The following DLG5 variants were observed in gnomAD, a reference collection of about 807,000 sequenced individuals.
DLG5 encodes disks large homolog 5.
A neutral mutation model predicts 189.8 loss-of-function variants in DLG5; 48 were observed. The observed-to-expected ratio is 0.25, with a 90% CI of 0.20 to 0.32. DLG5 has a LOEUF of 0.32. Among genes scored for constraint, DLG5 ranks in the 10% least tolerant of loss-of-function variants. DLG5 has a pLI of 1.00. For synonymous variants in DLG5, 1,016 were observed against 1,054.1 expected (o/e 0.96, Z 0.70); for missense variants, 2,160 against 2,544.7 (o/e 0.85, Z 3.25).
chr10:77,843,050 T>G (rs1008670020), intron 6 of DLG5, among the ~76,000 whole-genome samples: 3 of 152,176 alleles, frequency 2.0e-5, no homozygotes, highest in African/African-American at 7.2e-5. Flanking sequence ...CCCAGATAAT[T>G]AACTTTCCTA....
chr10:77,812,093 C>T (rs989102748), intron 21 of DLG5, 36 bp from the exon 22 acceptor site: 18 of 1,604,000 alleles, frequency 1.1e-5, no homozygotes, highest in Non-Finnish European at 1.1e-5. Context: ...GTGGGGGGGT[C>T]GGGGCTGTGG....
At chr10:77,937,600 T>C in the DLG5 span, among the ~76,000 whole-genome samples, 1 of 152,080 alleles carries the variant, frequency 6.6e-6, no homozygotes, top group Non-Finnish European at 1.5e-5. Context: ...TCTTTAGGTC[T>C]CAGTTTAAAG....
chr10:77,880,435 CAG>C (rs1554828160), intron 1 of DLG5, among the ~76,000 whole-genome samples: 1 of 152,188 alleles, frequency 6.6e-6, no homozygotes, highest in Non-Finnish European at 1.5e-5. Context: ...ACCTGGGCAA[CAG>C]AGTGAGACTC....
At chr10:77,842,599 C>A (rs964333768) in intron 6 of DLG5, among the ~76,000 whole-genome samples, 1 of 152,204 alleles carries the variant, frequency 6.6e-6, no homozygotes, top group Non-Finnish European at 1.5e-5. Flanking sequence ...GTGACAAGGT[C>A]ATCAAGTTCG....
chr10:77,854,279 T>C lies in DLG5; in HGVS notation c.628A>G (p.Thr210Ala), dbSNP rs1315101162. The C allele has an allele frequency of 6.2e-7, 1 of 1,614,108 alleles. No homozygotes were observed. Among genetic ancestry groups the C allele is most frequent in the Non-Finnish European group, 8.5e-7 (1 of 1,180,056 alleles). The change falls in exon 4 of 32, where the codon ACC becomes GCC. Residue 210 changes from threonine (T) to alanine (A), a missense_variant. Thr to Ala is a moderately conservative substitution (Grantham distance 58). Around this residue, in one of 5 missense-constraint regions of DLG5, gnomAD observed 664 missense variants for 838.5 expected, o/e 0.79. Transcript: ENST00000372391. The stretch of plus-strand genomic sequence containing the variant: ...TCCTCACACCTCTTCAAGGCGTTGG[T>C]GTGCTGGTTCTGCAGGCTCTGCAGG... Reference protein sequence around the residue: ...SDLQSLQNQHTNALKRCEEVA... With the variant: ...SDLQSLQNQHANALKRCEEVA...
chr10:77,844,829 G>C (rs1296476576), intron 5 of DLG5, among the ~76,000 whole-genome samples: 1 of 152,234 alleles, frequency 6.6e-6, no homozygotes, highest in Non-Finnish European at 1.5e-5. Flanking sequence ...GGCGACTTCA[G>C]AGGCAAATGA....
chr10:77,918,337 G>A (rs1323333065), intron 1 of DLG5, among the ~76,000 whole-genome samples: 1 of 151,906 alleles, frequency 6.6e-6, no homozygotes, highest in Non-Finnish European at 1.5e-5. Context: ...TGCTGCAACT[G>A]GGGAGGCGAA....
At chr10:77,868,070 C>T (rs1264782499) in intron 2 of DLG5, 2 of 456,562 alleles carry the variant, frequency 4.4e-6, no homozygotes, top group Non-Finnish European at 8.8e-6. Flanking sequence ...AGATCTCTCC[C>T]TAGCGCCTTC....
rs1205737289 is a variant in DLG5, at chr10:77,841,887, C to T, written c.1431G>A (p.Leu477=). ...KKAANEEMEA[L]RQIKDTVTMD... ...CACCGGCCCACCCACCTACCTGCCG[C>T]AGCGCCTCCATCTCCTCATTGGCCG... Residue 477 remains leucine (L), a synonymous_variant, in exon 7 of 32, where the codon CTG becomes CTA. Transcript: ENST00000372391. The T allele has an allele frequency of 6.2e-7, 1 of 1,606,242 alleles. No homozygotes were observed. The highest frequency in any genetic ancestry group is 8.5e-7 in the Non-Finnish European group (1 of 1,174,402).
chr10:77,817,160 T>C, intron 18 of DLG5, 64 bp from the exon 19 acceptor site: 1 of 1,403,876 alleles, frequency 7.1e-7, no homozygotes. Flanking sequence ...GTCCTTCCTC[T>C]CCACCAGGCT....
At position 77,796,179 on chromosome 10, in the gene DLG5, T is replaced by C; in HGVS notation, c.5318A>G (p.Lys1773Arg). 6.2e-7 allele frequency: 1 copy of C among 1,614,112 alleles called. No homozygotes were observed. Among genetic ancestry groups the C allele is most frequent in the Non-Finnish European group, 8.5e-7 (1 of 1,180,018 alleles). The change falls in exon 29 of 32, where the codon AAG (lysine) becomes AGG (arginine). Residue 1773 changes from lysine to arginine, a missense_variant. This residue lies in a region of DLG5 where 574 missense variants were observed against 644.2 expected (regional missense o/e 0.89). Transcript: ENST00000372391. The surrounding 1 kb of genome is among the most constrained non-coding windows in gnomAD (Gnocchi z 5.2). ...KFCRCPLEVM[K>R]ASQQAIERGV... The stretch of plus-strand genomic sequence containing the variant: ...CCGCTCAATGGCCTGCTGGGAGGCC[T>C]TCATCACCTCTGCAATGCACAGACA...
chr10:77,920,837 G>A (rs1186327065), intron 1 of DLG5, among the ~76,000 whole-genome samples: 2 of 152,160 alleles, frequency 1.3e-5, no homozygotes, highest in Admixed American at 6.5e-5. Flanking sequence ...CGTCCCAAAG[G>A]CCAGTTTCCA....
chr10:77,793,614 A>G, intron 31 of DLG5: 1 of 176,400 alleles, frequency 5.7e-6, no homozygotes. Flanking sequence ...ACTGCCCTGG[A>G]GGGTGCTAGG....
rs1840827689 is a variant in DLG5, at chr10:77,794,836, G to A, written c.5546+13C>T. ...ACAAGGCCCCAGCGGAGCCCAGGGG[G>A]CCAGTTACCTACTTGATGTGCTTGG... On this transcript the variant is annotated intron_variant, in intron 30 of 31. Transcript: ENST00000372391. The A allele has an allele frequency of 3.7e-6, 6 of 1,610,694 alleles. No homozygotes were observed. Among genetic ancestry groups the A allele is most frequent in the African/African-American group, 1.3e-5 (1 of 74,888 alleles).
the DLG5 span, among the ~76,000 whole-genome samples, chr10:77,934,844 TTTTTTTTG>T: frequency 2.3e-5 from 3 of 130,396 alleles, no homozygotes; most frequent in South Asian, 4.5e-4. Context: ...GTGCTGTTCT[TTTTTTTTG>T]TTTTTTTGTT....
intron 17 of DLG5, 139 bp from the exon 18 acceptor site, chr10:77,818,028 A>T: frequency 5.7e-6 from 4 of 696,286 alleles, no homozygotes; most frequent in Non-Finnish European, 9.6e-6. Flanking sequence ...TCAGCCGAGG[A>T]TAGCAGGCTG....
At chr10:77,932,884 C>G in the DLG5 span, among the ~76,000 whole-genome samples, 1 of 151,858 alleles carries the variant, frequency 6.6e-6, no homozygotes, top group Non-Finnish European at 1.5e-5. Context: ...AGGAGGATTA[C>G]TTGAACCCAA....
Position 77,796,078 on chromosome 10 carries a change from T to C in DLG5, c.5419A>G (p.Lys1807Glu). 3 of 1,614,178 alleles carry C rather than the reference T, an allele frequency of 1.9e-6. No individual in the cohort carries two copies. Among genetic ancestry groups the C allele is most frequent in the Non-Finnish European group, 2.5e-6 (3 of 1,180,044 alleles). ...HFDVTTVASI[K>E]EITEKNRHCL... Reference sequence around the variant, plus strand: ...CTGGGTACCTTTTCTGTGATCTCCTTTATTGACGCCACAGTGGTCACATCG... The same window carrying C: ...CTGGGTACCTTTTCTGTGATCTCCTCTATTGACGCCACAGTGGTCACATCG... The change falls in exon 29 of 32, where the codon AAG (lysine) becomes GAG (glutamate). Residue 1807 changes from lysine to glutamate, a missense_variant. Physicochemically the swap from Lys to Glu is moderately conservative, Grantham distance 56. This residue lies in a region of DLG5 where 574 missense variants were observed against 644.2 expected (regional missense o/e 0.89). Coordinates refer to ENST00000372391, the MANE Select transcript of DLG5 (RefSeq NM_004747.4). This position sits in a 1 kb window ranked among gnomAD's most constrained non-coding sequence, Gnocchi z 5.2.
At chr10:77,908,356 C>T (rs927151165) in intron 1 of DLG5, among the ~76,000 whole-genome samples, 3 of 152,172 alleles carry the variant, frequency 2.0e-5, no homozygotes, top group African/African-American at 7.2e-5. Flanking sequence ...TACCCACCTG[C>T]GGCCACCGGG....
Sources: gnomAD v4.1 joint callset for allele counts (sites outside exome capture counted in the v4.1 genomes callset) on GRCh38, gnomAD v4.1.1 for gene constraint, gnomAD v4.1.1 regional missense constraint, Gnocchi (gnomAD v3.1) non-coding constraint, MANE v1.5 for transcripts, NCBI Gene and HGNC (gene_info 2026-07-23, HGNC 2026-07-21) for gene names.